The following DCDC2 variants were observed in gnomAD, a reference collection of about 807,000 sequenced individuals.
DCDC2 encodes the protein doublecortin domain containing 2.
A neutral mutation model predicts 50.2 loss-of-function variants in DCDC2; 40 were observed. The observed-to-expected ratio is 0.80, with a 90% CI of 0.62 to 1.04. The LOEUF (loss-of-function observed/expected upper bound fraction) is 1.04. Ranked by LOEUF, DCDC2 falls within the 50% of genes least tolerant of loss-of-function variation. DCDC2 has a pLI of 0.00. For synonymous variants in DCDC2, 234 were observed against 210.6 expected, an observed-to-expected ratio of 1.11 and a Z score of -0.96; for missense variants, 570 against 581.9, an observed-to-expected ratio of 0.98 and a Z score of 0.21.
intron 6 of DCDC2, among the ~76,000 whole-genome samples, chr6:24,278,587 A>T (rs1242146925): frequency 6.6e-6 from 1 of 152,082 alleles, no homozygotes; most frequent in Non-Finnish European, 1.5e-5. Context: ...TTAGAGGATA[A>T]ATCTTGTGTA....
At chr6:24,243,985 A>G (rs563718837) in intron 7 of DCDC2, among the ~76,000 whole-genome samples, 4 of 152,306 alleles carry the variant, frequency 2.6e-5, no homozygotes, top group African/African-American at 9.6e-5. Flanking sequence ...TTCATTTCAG[A>G]ATTTAAATCT....
upstream of DCDC2, among the ~76,000 whole-genome samples, chr6:24,358,899 A>ATATATATATT (rs1561788477): frequency 4.7e-5 from 1 of 21,494 alleles, no homozygotes; most frequent in African/African-American, 2.2e-4. Context: ...TTATATATAT[A>ATATATATATT]ATATATTATA....
chr6:24,359,270 ATTTTATATATATTATATATTTTATATT>A (rs1336856045), upstream of DCDC2, among the ~76,000 whole-genome samples: 3 of 78,282 alleles, frequency 3.8e-5, no homozygotes, highest in African/African-American at 1.6e-4. Flanking sequence ...TATATTTTAT[ATTTTATATATATTATATATTTTATATT>A]TTTTATATAT....
At chr6:24,233,040 T>C (rs1762371136) in intron 7 of DCDC2, among the ~76,000 whole-genome samples, 1 of 152,208 alleles carries the variant, frequency 6.6e-6, no homozygotes, top group Non-Finnish European at 1.5e-5. Context: ...TTGTTTTCTA[T>C]GTTTAATATG....
chr6:24,357,403 C>T (rs1240986701), intron 1 of DCDC2, 55 bp downstream of exon 1: 1 of 1,516,590 alleles, frequency 6.6e-7, no homozygotes, highest in African/African-American at 1.4e-5. Flanking sequence ...TTCTTCATAT[C>T]AACCCCACAC....
At chr6:24,334,995 T>C (rs1248061340) in intron 2 of DCDC2, among the ~76,000 whole-genome samples, 1 of 152,158 alleles carries the variant, frequency 6.6e-6, no homozygotes, top group African/African-American at 2.4e-5. Flanking sequence ...TTTATGATGG[T>C]GACTAAATGA....
At chr6:24,354,196 A>G (rs1258379481) in intron 1 of DCDC2, among the ~76,000 whole-genome samples, 1 of 152,196 alleles carries the variant, frequency 6.6e-6, no homozygotes, top group African/African-American at 2.4e-5. Context: ...TTTGCTCTAG[A>G]TACTAACAGT....
At chr6:24,317,026 T>A (rs1759682405) in intron 2 of DCDC2, among the ~76,000 whole-genome samples, 1 of 151,738 alleles carries the variant, frequency 6.6e-6, no homozygotes, top group Non-Finnish European at 1.5e-5. Context: ...TTTGACTTCG[T>A]AAAAACAAAA....
At chr6:24,287,593 C>A (rs965435779) in intron 6 of DCDC2, among the ~76,000 whole-genome samples, 1 of 152,222 alleles carries the variant, frequency 6.6e-6, no homozygotes, top group Non-Finnish European at 1.5e-5. Context: ...GTTGAGCCCA[C>A]AAGGGCCCGG....
chr6:24,242,567 G>T (rs191249205), intron 7 of DCDC2, among the ~76,000 whole-genome samples: 2 of 152,330 alleles, frequency 1.3e-5, no homozygotes, highest in Admixed American at 1.3e-4. Context: ...CCACAGCACA[G>T]ATGCCCATAT....
chr6:24,175,150 T>C (rs1004724898), intron 9 of DCDC2, among the ~76,000 whole-genome samples: 8 of 152,230 alleles, frequency 5.3e-5, no homozygotes, highest in Admixed American at 2.0e-4. Context: ...AATTTAGTTA[T>C]ACTTTTCAGT....
At position 24,357,666 on chromosome 6, in the gene DCDC2, A is replaced by T. The variant is rs748676214; in HGVS notation, c.85T>A (p.Tyr29Asn). 3 of 1,613,300 alleles carry T rather than the reference A, an allele frequency of 1.9e-6. No homozygotes were observed. Among genetic ancestry groups the T allele is most frequent in the Non-Finnish European group, 2.5e-6 (3 of 1,180,022 alleles). ...VLVYRNGDPF[Y>N]AGRRVVIHEK... is the part of the protein sequence containing the mutation. ...TGGATGACGACGCGGCGCCCCGCGT[A>T]GAAGGGGTCCCCGTTGCGGTACACA... The change falls in exon 1 of 10, where the codon TAC becomes AAC. Residue 29 changes from tyrosine (Y) to asparagine (N), a missense_variant. Tyr to Asn is a moderately radical substitution (Grantham distance 143). Transcript: ENST00000378454.
In DCDC2 at chr6:24,276,250, C is replaced by T. The variant is rs1763355108; in HGVS notation, c.922+1799G>A. Among the ~76,000 whole-genome samples the T allele has an allele frequency of 2.0e-5, 3 of 152,040 alleles. No homozygotes were observed. In the South Asian group the frequency reaches 6.2e-4, roughly 32 times the overall value. On this transcript the variant is annotated intron_variant, in intron 7 of 9. Coordinates refer to ENST00000378454, the MANE Select transcript of DCDC2 (RefSeq NM_016356.5). ...AGCCTCTTGTGTTCTCAAGTTTTTACAAATGAGATAACCTGAAAAGATGAT... is the reference window on the plus strand; with the variant it reads ...AGCCTCTTGTGTTCTCAAGTTTTTATAAATGAGATAACCTGAAAAGATGAT...
At chr6:24,295,538 G>T (rs1763842493) in intron 4 of DCDC2, among the ~76,000 whole-genome samples, 1 of 152,160 alleles carries the variant, frequency 6.6e-6, no homozygotes, top group Non-Finnish European at 1.5e-5. Context: ...AACTATCCCT[G>T]TTTGCAGATG....
Position 24,303,456 on chromosome 6 carries a change from C to T in DCDC2, c.349-1412G>A, listed in dbSNP as rs187219191. On this transcript the variant is annotated intron_variant, in intron 2 of 9. Transcript: ENST00000378454. ...CTTGCCTTTGCCCCTCTGGCTAAAA[C>T]GCCCTCCTCATTTCTCCACCTACTG... Among the ~76,000 whole-genome samples, 479 of 152,222 alleles carry T rather than the reference C, an allele frequency of 3.1e-3. 2 individuals carry two copies. The highest frequency in any genetic ancestry group is 0.011 in the African/African-American group (454 of 41,546).
chr6:24,320,272 T>C (rs1370393053), intron 2 of DCDC2, among the ~76,000 whole-genome samples: 1 of 152,332 alleles, frequency 6.6e-6, no homozygotes, highest in East Asian at 1.9e-4. Context: ...CCCGTGGTGC[T>C]GGAGTAGAAC....
chr6:24,212,465 T>C (rs565054177), intron 7 of DCDC2, among the ~76,000 whole-genome samples: 72 of 152,296 alleles, frequency 4.7e-4, no homozygotes, highest in African/African-American at 1.6e-3. Context: ...CTCATTCTCC[T>C]ACCAGGTGCA....
chr6:24,336,250 A>C (rs1760055458), intron 2 of DCDC2, among the ~76,000 whole-genome samples: 1 of 152,176 alleles, frequency 6.6e-6, no homozygotes, highest in African/African-American at 2.4e-5. Context: ...CTCCAGCCCC[A>C]CCAGAGATTT....
intron 7 of DCDC2, among the ~76,000 whole-genome samples, chr6:24,209,883 C>T (rs1180100408): frequency 6.6e-6 from 1 of 152,140 alleles, no homozygotes; most frequent in Non-Finnish European, 1.5e-5. Flanking sequence ...CACACTTTCC[C>T]CAGCTCTTTC....
Sources: gnomAD v4.1 joint callset for allele counts (sites outside exome capture counted in the v4.1 genomes callset) on GRCh38, gnomAD v4.1.1 for gene constraint, MANE v1.5 for transcripts, NCBI Gene and HGNC (gene_info 2026-07-23, HGNC 2026-07-21) for gene names.